The following MYBPH variants were observed in gnomAD, a reference collection of about 807,000 sequenced individuals.
MYBPH encodes myosin binding protein H.
MYBPH carries 49 observed loss-of-function variants against 53.6 expected under a neutral mutation model. The observed-to-expected ratio is 0.91, with a 90% CI of 0.73 to 1.16. The LOEUF (loss-of-function observed/expected upper bound fraction) is 1.16, where lower values mean the gene tolerates loss of function less well. Ranked by LOEUF, MYBPH falls within the 50% of genes most tolerant of loss-of-function variation. The pLI is 0.00. For synonymous variants in MYBPH, 239 were observed against 249.6 expected (o/e 0.96, Z 0.40); for missense variants, 558 against 624.1 (o/e 0.89, Z 1.13).
upstream of MYBPH, among the ~76,000 whole-genome samples, chr1:203,178,044 C>T (rs2102196363): frequency 6.6e-6 from 1 of 152,376 alleles, no homozygotes; most frequent in African/African-American, 2.4e-5. Flanking sequence ...TGTGATTATC[C>T]TAAGTCACAG....
In MYBPH at chr1:203,170,408, T is replaced by C. The variant is rs1231888538; in HGVS notation, c.976A>G (p.Thr326Ala). 1 of 1,614,004 alleles carries C rather than the reference T, an allele frequency of 6.2e-7. No homozygotes were observed. The highest frequency in any genetic ancestry group is 1.3e-5 in the African/African-American group (1 of 74,904). ...VLERYHPTTC[T>A]ISDLIIGNSY... ...TTGCCGATGATGAGGTCAGAGATGG[T>C]GCAGGTGGTTGGGTGGTAGCGCTCC... The change falls in exon 7 of 11, where the codon ACC becomes GCC. Residue 326 changes from threonine (T) to alanine (A), a missense_variant. Thr to Ala is a moderately conservative substitution (Grantham distance 58). Coordinates refer to ENST00000255416, the MANE Select transcript of MYBPH (RefSeq NM_004997.3).
intron 2 of MYBPH, among the ~76,000 whole-genome samples, chr1:203,174,945 G>T (rs1287043348): frequency 2.0e-5 from 3 of 151,872 alleles, no homozygotes; most frequent in Admixed American, 6.6e-5. Flanking sequence ...CCCCATTCCC[G>T]CTTTCTCCTC....
rs764465612 is a variant in MYBPH, at chr1:203,169,375, G to A, written c.1108C>T (p.Pro370Ser). Residue 370 changes from proline to serine, a missense_variant, in exon 8 of 11, where the codon CCT (proline) becomes TCT (serine). Pro to Ser is a moderately conservative substitution (Grantham distance 74). Transcript: ENST00000255416. ...AAGTCTCGCTCAATAAACCCTTTAG[G>A]TTTGGCAGCAATATCTGGGTTCAGG... ...HIQKADIAAK[P>S]KGFIERDFSE... 1.6e-5 allele frequency: 25 copies of A among 1,578,382 alleles called. No individual in the cohort carries two copies. The highest frequency in any genetic ancestry group is 1.7e-4 in the Middle Eastern group (1 of 6,046).
At position 203,171,256 on chromosome 1, in the gene MYBPH, C is replaced by A; in HGVS notation, c.794-56G>T. On this transcript the variant is annotated intron_variant, in intron 5 of 10. Transcript: ENST00000255416. This position sits in a 1 kb window ranked among gnomAD's most constrained non-coding sequence, Gnocchi z 4.2. ...TGTGAGGGCCAGGCTGGCCACAGAGCCCCCACACCCAAAATTTGGCTCTTG... is the reference window on the plus strand; with the variant it reads ...TGTGAGGGCCAGGCTGGCCACAGAGACCCCACACCCAAAATTTGGCTCTTG... 1 of 1,551,020 alleles carries A rather than the reference C, an allele frequency of 6.4e-7. No homozygotes were observed. Among genetic ancestry groups the A allele is most frequent in the South Asian group, 1.2e-5 (1 of 80,758 alleles).
At chr1:203,174,678 G>C (rs1655765484) in intron 2 of MYBPH, 81 bp from the exon 3 acceptor site, 1 of 1,356,992 alleles carries the variant, frequency 7.4e-7, no homozygotes, top group East Asian at 2.6e-5. Flanking sequence ...TCCTGCTGGT[G>C]ATCTGGGGAA....
At chr1:203,177,095 C>T (rs563717572), upstream of MYBPH, among the ~76,000 whole-genome samples, 21 of 152,312 alleles carry the variant, frequency 1.4e-4, no homozygotes, top group East Asian at 1.2e-3. Context: ...AGAAATGTTG[C>T]GTCTCATCTG....
upstream of MYBPH, among the ~76,000 whole-genome samples, chr1:203,178,233 T>A (rs1655853013): frequency 6.6e-6 from 1 of 152,082 alleles, no homozygotes; most frequent in South Asian, 2.1e-4. Flanking sequence ...CCCCATCACA[T>A]CCTCCCGACC....
chr1:203,175,884 C>T (rs755492557), upstream of MYBPH: 19 of 894,112 alleles, frequency 2.1e-5, no homozygotes, highest in Middle Eastern at 3.4e-4. Context: ...CCCCAGCAAA[C>T]GATTCCCAGC....
rs1294724206 is a variant in MYBPH at position 203,169,003 on chromosome 1, C to G, written c.1320G>C (p.Glu440Asp). The G allele has an allele frequency of 6.2e-7, 1 of 1,613,936 alleles. No individual in the cohort carries two copies. The highest frequency in any genetic ancestry group is 8.5e-7 in the Non-Finnish European group (1 of 1,180,018). Reference protein sequence around the residue: ...ALSEQGVCTLEIRKPSPFDSG... With the variant: ...ALSEQGVCTLDIRKPSPFDSG... ...AATCAAAGGGGCTGGGTTTCCGGATCTCTAGGGTGCAGACGCCTTGCTCAG... is the reference window on the plus strand; with the variant it reads ...AATCAAAGGGGCTGGGTTTCCGGATGTCTAGGGTGCAGACGCCTTGCTCAG... The change falls in exon 9 of 11, where the codon GAG becomes GAC. Residue 440 changes from glutamate (E) to aspartate (D), a missense_variant. Transcript: ENST00000255416.
Position 203,170,531 on chromosome 1 carries a change from G to C in MYBPH, c.934-81C>G, listed in dbSNP as rs1054247001. 4 of 1,529,574 alleles carry C rather than the reference G, an allele frequency of 2.6e-6. No homozygotes were observed. The African/African-American group carries it at 4.1e-5, about 16-fold the overall frequency. 94.8% of individuals were successfully genotyped at this position (1,529,574 alleles called of 1,614,324 possible). Reference sequence around the variant, plus strand: ...TTACCCTGGAGACCTTTCCTCACAGGAACTCATTCCATGCCCCCAACCTTA... The same window carrying C: ...TTACCCTGGAGACCTTTCCTCACAGCAACTCATTCCATGCCCCCAACCTTA... On this transcript the variant is annotated intron_variant, in intron 6 of 10. Transcript: ENST00000255416.
At position 203,169,276 on chromosome 1, in the gene MYBPH, A is replaced by G. The variant is rs369592636; in HGVS notation, c.1207T>C (p.Cys403Arg). The change falls in exon 8 of 11, where the codon TGC (cysteine) becomes CGC (arginine). Residue 403 changes from cysteine (C) to arginine (R), a missense_variant. Transcript: ENST00000255416. ...ACCTTGGGTGAAGCTCGGACACTGCAGAACAACTGGGTGCTGTAGCCAGGG... is the reference window on the plus strand; with the variant it reads ...ACCTTGGGTGAAGCTCGGACACTGCGGAACAACTGGGTGCTGTAGCCAGGG... ...STPGYSTQLFCSVRASPKPKI... is the reference protein window; with the variant it reads ...STPGYSTQLFRSVRASPKPKI... The G allele has an allele frequency of 6.2e-7, 1 of 1,612,404 alleles. No homozygotes were observed. The highest frequency in any genetic ancestry group is 8.5e-7 in the Non-Finnish European group (1 of 1,179,112).
At chr1:203,178,444 A>T (rs918387990), upstream of MYBPH, among the ~76,000 whole-genome samples, 4 of 152,120 alleles carry the variant, frequency 2.6e-5, no homozygotes, top group Non-Finnish European at 5.9e-5. Context: ...TCTCTCAAGC[A>T]CTCTGCAGGG....
chr1:203,170,411 AGGTGGTTGGGT>A lies in MYBPH; in HGVS notation c.962_972del (p.His321LeufsTer5), dbSNP rs1655672694. On this transcript the variant is annotated frameshift_variant, in exon 7 of 11. Transcript: ENST00000255416. LOFTEE classifies it high-confidence loss of function. ...CCGATGATGAGGTCAGAGATGGTGC[AGGTGGTTGGGT>A]GGTAGCGCTCCAGCACTGTGAACCA... The A allele has an allele frequency of 6.2e-7, 1 of 1,614,148 alleles. No individual in the cohort carries two copies. Among genetic ancestry groups the A allele is most frequent in the Non-Finnish European group, 8.5e-7 (1 of 1,180,006 alleles).
In MYBPH at chr1:203,170,264, C is replaced by A. The variant is rs562016643; in HGVS notation, c.1093+27G>T. On this transcript the variant is annotated intron_variant, in intron 7 of 10. Transcript: ENST00000255416. The stretch of plus-strand genomic sequence containing the variant: ...GAAGCAGAGACAGGGAGAGAGTTAG[C>A]ACAGCCAGCTCCGGGCCCAAACCCA... 1.9e-6 allele frequency: 3 copies of A among 1,612,810 alleles called. No homozygotes were observed. In the Admixed American group the frequency reaches 5.0e-5, roughly 27 times the overall value.
At position 203,171,880 on chromosome 1, in the gene MYBPH, C is replaced by T. The variant is rs544036514; in HGVS notation, c.597+72G>A. The T allele has an allele frequency of 1.5e-4, 154 of 1,014,194 alleles. 1 individual carries two copies. In the South Asian group the frequency reaches 5.6e-3, roughly 37 times the overall value. 62.8% of individuals were successfully genotyped at this position (1,014,194 alleles called of 1,614,324 possible). The stretch of plus-strand genomic sequence containing the variant: ...GCTGGACCCTTGGAGACCCTGCCAT[C>T]TCCCAGGCTCCCCTTAAATGGGGGC... On this transcript the variant is annotated intron_variant, in intron 4 of 10. Coordinates refer to ENST00000255416, the MANE Select transcript of MYBPH (RefSeq NM_004997.3). The surrounding 1 kb of genome is among the most constrained non-coding windows in gnomAD (Gnocchi z 4.2).
At chr1:203,172,402 G>C (rs537651004) in intron 3 of MYBPH, among the ~76,000 whole-genome samples, 1 of 152,124 alleles carries the variant, frequency 6.6e-6, no homozygotes, top group East Asian at 1.9e-4. Flanking sequence ...CCCTGCTGGG[G>C]AGCAGGTGCT....
At chr1:203,176,373 T>C (rs962974121), upstream of MYBPH, among the ~76,000 whole-genome samples, 4 of 152,096 alleles carry the variant, frequency 2.6e-5, no homozygotes, top group Admixed American at 2.6e-4. Flanking sequence ...AGGGTGGAGC[T>C]GCTCAGAGGA....
upstream of MYBPH, among the ~76,000 whole-genome samples, chr1:203,178,775 C>G (rs545654418): frequency 6.6e-6 from 1 of 152,336 alleles, no homozygotes; most frequent in Non-Finnish European, 1.5e-5. Flanking sequence ...TGGCCTCCCA[C>G]TGGGGCTCTC....
rs1157945111 is a variant in MYBPH, at chr1:203,169,336, A to C, written c.1147T>G (p.Ser383Ala). Reference protein sequence around the residue: ...FIERDFSEAPSFTQPLADHTS... With the variant: ...FIERDFSEAPAFTQPLADHTS... The stretch of plus-strand genomic sequence containing the variant: ...TGGTCAGCCAGGGGCTGGGTGAATG[A>C]GGGGGCTTCTGAGAAGTCTCGCTCA... The change falls in exon 8 of 11, where the codon TCA becomes GCA. Residue 383 changes from serine (S) to alanine (A), a missense_variant. Coordinates refer to ENST00000255416, the MANE Select transcript of MYBPH (RefSeq NM_004997.3). The C allele has an allele frequency of 6.2e-7, 1 of 1,610,760 alleles. No individual in the cohort carries two copies. Among genetic ancestry groups the C allele is most frequent in the South Asian group, 1.1e-5 (1 of 90,638 alleles).
Sources: gnomAD v4.1 joint callset for allele counts (sites outside exome capture counted in the v4.1 genomes callset) on GRCh38, gnomAD v4.1.1 for gene constraint, Gnocchi (gnomAD v3.1) non-coding constraint, MANE v1.5 for transcripts, NCBI Gene and HGNC (gene_info 2026-07-23, HGNC 2026-07-21) for gene names.